Variants in NQO2 observed in about 807,000 individuals in gnomAD.
NQO2 encodes ribosyldihydronicotinamide dehydrogenase [quinone].
NQO2 carries 18 observed loss-of-function variants against 22.0 expected under a neutral mutation model. The ratio of observed to expected loss-of-function variants is 0.82; its 90% CI spans 0.56 to 1.21. The LOEUF (loss-of-function observed/expected upper bound fraction) is 1.21, where lower values mean the gene tolerates loss of function less well. NQO2 is among the 50% of genes most tolerant of loss of function. The pLI, the probability that NQO2 is intolerant of heterozygous loss-of-function variation, is 0.00. For missense variants in NQO2, 267 were observed against 286.9 expected, an observed-to-expected ratio of 0.93 and a Z score of 0.50; for synonymous variants, 106 against 110.8, an observed-to-expected ratio of 0.96 and a Z score of 0.28.
At chr6:3,016,120 T>C (rs962236392) in intron 5 of NQO2, among the ~76,000 whole-genome samples, 3 of 152,210 alleles carry the variant, frequency 2.0e-5, no homozygotes, top group Admixed American at 2.0e-4. Flanking sequence ...GTGGTAGCTA[T>C]GAATTCTTAC....
intron 2 of NQO2, among the ~76,000 whole-genome samples, chr6:3,009,169 G>A (rs908579969): frequency 1.3e-5 from 2 of 152,180 alleles, no homozygotes; most frequent in Non-Finnish European, 2.9e-5. Flanking sequence ...CTGCCGCCCC[G>A]AAGCGGCCAT....
At chr6:3,014,976 C>A in intron 4 of NQO2, 2 of 712,040 alleles carry the variant, frequency 2.8e-6, no homozygotes, top group South Asian at 1.5e-5. Flanking sequence ...CCTTTGGTAA[C>A]AGATGATTGC....
chr6:3,015,476 G>C (rs1757290954), intron 4 of NQO2, 54 bp from the exon 5 acceptor site: 2 of 1,591,222 alleles, frequency 1.3e-6, no homozygotes, highest in Non-Finnish European at 1.7e-6. Flanking sequence ...AACTAAACTA[G>C]GAAACCTGAG....
intron 1 of NQO2, among the ~76,000 whole-genome samples, chr6:3,005,212 G>A (rs1756905457): frequency 6.6e-6 from 1 of 152,190 alleles, no homozygotes; most frequent in Non-Finnish European, 1.5e-5. Flanking sequence ...GAACATGGGT[G>A]GGCAAGTGGT....
intron 2 of NQO2, among the ~76,000 whole-genome samples, chr6:3,007,496 C>T (rs774882488): frequency 9.8e-5 from 15 of 152,316 alleles, no homozygotes; most frequent in South Asian, 2.1e-4. Flanking sequence ...CAAACTGATA[C>T]GTGTATCTTT....
intron 6 of NQO2, among the ~76,000 whole-genome samples, chr6:3,017,551 C>T (rs1298707129): frequency 6.6e-6 from 1 of 152,214 alleles, no homozygotes. Flanking sequence ...GCCTGCTTCC[C>T]CAGGGGACCT....
Position 3,015,539 on chromosome 6 carries a change from T to C in NQO2, c.313T>C (p.Tyr105His), listed in dbSNP as rs1465013237. 1.2e-6 allele frequency: 2 copies of C among 1,614,070 alleles called. No individual in the cohort carries two copies. The highest frequency in any genetic ancestry group is 1.1e-5 in the South Asian group (1 of 91,084). The change falls in exon 5 of 7, where the codon TAC becomes CAC. Residue 105 changes from tyrosine (Y) to histidine (H), a missense_variant. Physicochemically the swap from Tyr to His is moderately conservative, Grantham distance 83 (BLOSUM62 2). Transcript: ENST00000380455. ...ADLVIFQFPL[Y>H]WFSVPAILKG... ...GTGTTGCCGCCCACAGTTCCCGCTG[T>C]ACTGGTTCAGCGTGCCAGCCATCCT... is the stretch of plus-strand genomic sequence containing the variant.
intron 4 of NQO2, among the ~76,000 whole-genome samples, chr6:3,014,190 C>T (rs1338794856): frequency 2.6e-5 from 4 of 152,218 alleles, no homozygotes; most frequent in African/African-American, 9.6e-5. Flanking sequence ...AAGCAACCTG[C>T]ATGTGCGGGA....
In NQO2 at chr6:3,012,740, TGA is replaced by T. The variant is rs1757179637; in HGVS notation, c.303+68_303+69del. On this transcript the variant is annotated intron_variant, in intron 4 of 6. Coordinates refer to ENST00000380455, the MANE Select transcript of NQO2 (RefSeq NM_000904.6). ...TTATGTACAAACTCTTTCTGAATAT[TGA>T]GTTTTGTGCTGCTTCTGGAAGTGGC... 8 of 1,507,180 alleles carry T rather than the reference TGA, an allele frequency of 5.3e-6. No homozygotes were observed. The South Asian group carries it at 9.7e-5, about 18-fold the overall frequency. The allele number at this position is 1,507,180 out of a possible 1,614,324, so 93.4% of individuals were successfully genotyped here. A position where few individuals can be genotyped will look rare whatever the true frequency, so the allele number is the denominator to read the frequency against.
intron 1 of NQO2, chr6:3,002,367 G>T (rs991108337): frequency 7.3e-6 from 3 of 410,478 alleles, no homozygotes; most frequent in Non-Finnish European, 9.8e-6. Flanking sequence ...GGAGTGCAAT[G>T]GCACAATCTT....
In NQO2 at chr6:3,015,062, G is replaced by A. The variant is rs139636495; in HGVS notation, c.304-468G>A. 2.6e-5 allele frequency: 33 copies of A among 1,279,142 alleles called. No individual in the cohort carries two copies. In the African/African-American group the frequency reaches 3.8e-4, roughly 15 times the overall value. 79.2% of individuals were successfully genotyped at this position (1,279,142 alleles called of 1,614,324 possible). A position where few individuals can be genotyped will look rare whatever the true frequency, so the allele number is the denominator to read the frequency against. On this transcript the variant is annotated intron_variant, in intron 4 of 6. Coordinates refer to ENST00000380455, the MANE Select transcript of NQO2 (RefSeq NM_000904.6). Reference sequence around the variant, plus strand: ...ATCTATGGGATAGGGAGATCTTAGCGCTGGTCTAAGGAATACAAACATGAC... The same window carrying A: ...ATCTATGGGATAGGGAGATCTTAGCACTGGTCTAAGGAATACAAACATGAC...
At chr6:3,012,067 T>G (rs1344786643) in intron 3 of NQO2, among the ~76,000 whole-genome samples, 2 of 152,234 alleles carry the variant, frequency 1.3e-5, no homozygotes, top group Admixed American at 6.5e-5. Context: ...GTATTAAGTC[T>G]AACAGACAAA....
At chr6:3,000,987 C>T (rs541817570) in intron 1 of NQO2, among the ~76,000 whole-genome samples, 11 of 151,162 alleles carry the variant, frequency 7.3e-5, no homozygotes, top group African/African-American at 2.2e-4. Context: ...GGATTACAGG[C>T]GCCTGCCACC....
In NQO2 at chr6:3,006,549, C is replaced by T. The variant is rs1355915415; in HGVS notation, c.-4C>T. 12 of 1,609,812 alleles carry T rather than the reference C, an allele frequency of 7.5e-6. No individual in the cohort carries two copies. Among genetic ancestry groups the T allele is most frequent in the Admixed American group, 3.4e-5 (2 of 59,350 alleles). ...CAGAGAGAAGGAATCCACCTTCTTA[C>T]GCTATGGCAGGTAATGATTCACTAT... On this transcript the variant is annotated 5_prime_UTR_variant, in exon 2 of 7. In the 5' UTR this introduces an upstream ATG that the reference lacks. Coordinates refer to ENST00000380455, the MANE Select transcript of NQO2 (RefSeq NM_000904.6). This position sits in a 1 kb window ranked among gnomAD's most constrained non-coding sequence, Gnocchi z 4.0.
At chr6:3,003,310 A>G (rs941907011) in intron 1 of NQO2, among the ~76,000 whole-genome samples, 1 of 151,548 alleles carries the variant, frequency 6.6e-6, no homozygotes, top group African/African-American at 2.5e-5. Context: ...CCTCATCGGG[A>G]GGCTTTGAGG....
chr6:3,016,430 C>CAAAAAAAA lies in NQO2; in HGVS notation c.418-441_418-434dup, dbSNP rs36118697. ...TGGGTGACAAAGCGAGACTCTGTCT[C>CAAAAAAAA]AAAAAAAAAAAAAAAAAAAAGGAAC... On this transcript the variant is annotated intron_variant, in intron 5 of 6. Coordinates refer to ENST00000380455, the MANE Select transcript of NQO2 (RefSeq NM_000904.6). 1.1e-4 allele frequency among the ~76,000 whole-genome samples: 9 copies of CAAAAAAAA among 85,694 alleles called. No homozygotes were observed. The South Asian group carries it at 1.2e-3, about 11-fold the overall frequency. 56.2% of individuals were successfully genotyped at this position (85,694 alleles called of 152,430 possible).
At position 3,017,123 on chromosome 6, in the gene NQO2, A is replaced by T. The variant is rs1278195485; in HGVS notation, c.519+138A>T. On this transcript the variant is annotated intron_variant, in intron 6 of 6. Coordinates refer to ENST00000380455, the MANE Select transcript of NQO2 (RefSeq NM_000904.6). ...GAGGGGTGAGATGAGATGGGATGGA[A>T]GCGTGATGCCCCACACCATTTTGAC... is the stretch of plus-strand genomic sequence containing the variant. The T allele has an allele frequency of 3.3e-5, 33 of 989,934 alleles. No individual in the cohort carries two copies. The East Asian group carries it at 8.4e-4, about 25-fold the overall frequency. 61.3% of individuals were successfully genotyped at this position (989,934 alleles called of 1,614,324 possible). A position where few individuals can be genotyped will look rare whatever the true frequency, so the allele number is the denominator to read the frequency against.
At position 3,019,748 on chromosome 6, in the gene NQO2, C is replaced by A; in HGVS notation, c.*93C>A. The A allele has an allele frequency of 8.9e-7, 1 of 1,122,404 alleles. No homozygotes were observed. The highest frequency in any genetic ancestry group is 1.2e-6 in the Non-Finnish European group (1 of 812,764). 69.5% of individuals were successfully genotyped at this position (1,122,404 alleles called of 1,614,324 possible). The stretch of plus-strand genomic sequence containing the variant: ...GTGCTGTCATGAAATAAAATTACAA[C>A]ATAGCTACCTGGGGATACTTTTTTC... On this transcript the variant is annotated 3_prime_UTR_variant, in exon 7 of 7. Transcript: ENST00000380455.
intron 4 of NQO2, among the ~76,000 whole-genome samples, chr6:3,013,184 T>C (rs939456532): frequency 6.6e-6 from 1 of 151,738 alleles, no homozygotes; most frequent in African/African-American, 2.4e-5. Flanking sequence ...CTCGATCTCC[T>C]GACCTCGTGA....
Sources: allele counts gnomAD v4.1 joint callset (sites outside exome capture counted in the v4.1 genomes callset), GRCh38; gene constraint gnomAD v4.1.1; non-coding constraint Gnocchi (gnomAD v3.1); transcripts MANE v1.5; gene names NCBI Gene and HGNC (gene_info 2026-07-23, HGNC 2026-07-21).